Variants in WDR74 observed in about 807,000 individuals in gnomAD.
The protein encoded by WDR74 is WD repeat-containing protein 74.
In WDR74, 31 loss-of-function variants were observed where a neutral mutation model predicts 45.6. The observed-to-expected ratio is 0.68, with a 90% CI of 0.51 to 0.92. WDR74 has a LOEUF of 0.92. WDR74 is among the 40% of genes least tolerant of loss of function. The pLI is 0.00. For synonymous variants in WDR74, 191 were observed against 192.4 expected (o/e 0.99, Z 0.06); for missense variants, 455 against 497.2 (o/e 0.92, Z 0.81).
At chr11:62,833,444 T>C (rs1301382656) in intron 10 of WDR74, 174 bp downstream of exon 10, 2 of 801,718 alleles carry the variant, frequency 2.5e-6, no homozygotes, top group African/African-American at 3.5e-5. Context: ...ATCCATGCTG[T>C]TGGCAATAAC....
rs573305171 is a variant in WDR74 at position 62,838,327 on chromosome 11, AT to A, written c.293+786del. Among the ~76,000 whole-genome samples, 173 of 151,728 alleles carry A rather than the reference AT, an allele frequency of 1.1e-3. 1 individual carries two copies. Among genetic ancestry groups the A allele is most frequent in the African/African-American group, 3.9e-3 (161 of 41,446 alleles). On this transcript the variant is annotated intron_variant, in intron 3 of 10. Transcript: ENST00000278856. ...GCCACCACACCCGGATAATTTTTGTATTTTTTTAGTAGAGAAGGGGTTTTAC... is the reference window on the plus strand; with the variant it reads ...GCCACCACACCCGGATAATTTTTGTATTTTTTAGTAGAGAAGGGGTTTTAC...
At chr11:62,838,535 G>C (rs975538365) in intron 3 of WDR74, among the ~76,000 whole-genome samples, 2 of 151,600 alleles carry the variant, frequency 1.3e-5, no homozygotes, top group African/African-American at 4.8e-5. Context: ...GAGGCAGGTG[G>C]ATCACCTGAG....
rs765005824 is a variant in WDR74 at position 62,839,138 on chromosome 11, A to G, written c.269T>C (p.Phe90Ser). 6.2e-7 allele frequency: 1 copy of G among 1,613,616 alleles called. No homozygotes were observed. The highest frequency in any genetic ancestry group is 8.5e-7 in the Non-Finnish European group (1 of 1,179,890). Reference protein sequence around the residue: ...QRHCPGGEGMFRGLAQADGTL... With the variant: ...QRHCPGGEGMSRGLAQADGTL... ...CCCGTCGGCCTGGGCGAGGCCACGG[A>G]ACATGCCCTCCCCGCCCGGGCAGTG... Residue 90 changes from phenylalanine (F) to serine (S), a missense_variant, in exon 3 of 11, where the codon TTC becomes TCC. By Grantham distance (155) the Phe-to-Ser change is radical. Transcript: ENST00000278856.
upstream of WDR74, chr11:62,841,617 A>T (rs1048111331): frequency 6.6e-6 from 1 of 152,222 alleles, no homozygotes; most frequent in African/African-American, 2.4e-5. Context: ...CTCTCCCCGA[A>T]GGGAGAGTGC....
At chr11:62,841,439 A>C (rs950095017), upstream of WDR74, 1 of 152,222 alleles carries the variant, frequency 6.6e-6, no homozygotes, top group East Asian at 1.9e-4. Context: ...TGGAGATACT[A>C]CGCTCCGTGC....
At chr11:62,834,219 A>G (rs1441450375) in intron 8 of WDR74, 57 bp downstream of exon 8, 1 of 1,611,830 alleles carries the variant, frequency 6.2e-7, no homozygotes, top group Non-Finnish European at 8.5e-7. Flanking sequence ...CCTTAGAGGG[A>G]ATCCTGACCC....
intron 1 of WDR74, 37 bp downstream of exon 1, chr11:62,839,468 GCA>G: frequency 6.2e-7 from 1 of 1,613,474 alleles, no homozygotes; most frequent in Non-Finnish European, 8.5e-7. Context: ...GGGCGCGAGT[GCA>G]CCCCTGCACT....
At chr11:62,833,334 C>G (rs566342936) in intron 10 of WDR74, among the ~76,000 whole-genome samples, 13 of 143,820 alleles carry the variant, frequency 9.0e-5, no homozygotes, top group African/African-American at 3.4e-4. Flanking sequence ...GAAAAGTAGT[C>G]AGGGGCACAG....
chr11:62,839,696 T>C (rs552699736), upstream of WDR74: 36 of 1,175,506 alleles, frequency 3.1e-5, no homozygotes, highest in East Asian at 4.3e-4. Context: ...AAAGCTTCCA[T>C]GCTTGTTTTG....
At position 62,833,613 on chromosome 11, in the gene WDR74, C is replaced by T. The variant is rs1478206678; in HGVS notation, c.978+5G>A. The stretch of plus-strand genomic sequence containing the variant: ...GCTCCCACATTCCCGGGCCCAACTG[C>T]TCACCTCCCAGTTGTCCCTGCCTGA... On this transcript the variant is annotated splice_donor_5th_base_variant and intron_variant, in intron 10 of 10. Coordinates refer to ENST00000278856, the MANE Select transcript of WDR74 (RefSeq NM_001369450.1). The T allele has an allele frequency of 1.3e-6, 2 of 1,551,818 alleles. No individual in the cohort carries two copies. Among genetic ancestry groups the T allele is most frequent in the African/African-American group, 1.4e-5 (1 of 73,056 alleles).
chr11:62,832,955 G>C lies in WDR74; in HGVS notation c.1155C>G (p.Pro385=). Residue 385 remains proline, a synonymous_variant, in exon 11 of 11, where the codon CCC becomes CCG. Transcript: ENST00000278856. ...TTACAAAGTGGGCACAGGGGCGTCA[G>C]GGGCTGGTGGACCCAGGCCGCTTCT... The part of the protein sequence containing the change: ...RKKKRPGSTS[P] 2 of 1,601,156 alleles carry C rather than the reference G, an allele frequency of 1.2e-6. No homozygotes were observed. Among genetic ancestry groups the C allele is most frequent in the Non-Finnish European group, 1.7e-6 (2 of 1,174,384 alleles).
chr11:62,835,352 G>T, intron 6 of WDR74, 79 bp downstream of exon 6: 1 of 1,323,292 alleles, frequency 7.6e-7, no homozygotes, highest in South Asian at 1.3e-5. Flanking sequence ...GAGAAGAGCA[G>T]TTGTGTCAAA....
chr11:62,839,036 T>C, intron 3 of WDR74, 78 bp downstream of exon 3: 1 of 1,581,084 alleles, frequency 6.3e-7, no homozygotes, highest in Non-Finnish European at 8.6e-7. Context: ...AGTTTGCCTG[T>C]CGCCATCATT....
At chr11:62,838,983 G>C in intron 3 of WDR74, 131 bp downstream of exon 3, 1 of 1,337,578 alleles carries the variant, frequency 7.5e-7, no homozygotes, top group Non-Finnish European at 1.0e-6. Context: ...ACATAAGGCA[G>C]AAACCCAGGT....
upstream of WDR74, chr11:62,841,634 C>G (rs556170544): frequency 6.6e-6 from 1 of 152,228 alleles, no homozygotes; most frequent in African/African-American, 2.4e-5. Flanking sequence ...GTGCACCGTT[C>G]CTGGAAGTAC....
In WDR74 at chr11:62,832,978, T is replaced by G. The variant is rs767465533; in HGVS notation, c.1132A>C (p.Lys378Gln). The G allele has an allele frequency of 6.2e-6, 10 of 1,607,254 alleles. No individual in the cohort carries two copies. Among genetic ancestry groups the G allele is most frequent in the Non-Finnish European group, 8.5e-6 (10 of 1,177,262 alleles). ...GALQTRRRKK[K>Q]RPGSTSP ...CAGGGGCTGGTGGACCCAGGCCGCT[T>G]CTTCTTTCTCCGTCTCGTTTGGAGA... Residue 378 changes from lysine (K) to glutamine (Q), a missense_variant, in exon 11 of 11, where the codon AAG becomes CAG. Transcript: ENST00000278856.
chr11:62,841,287 A>C (rs1458362219), upstream of WDR74, among the ~76,000 whole-genome samples: 6 of 152,144 alleles, frequency 3.9e-5, no homozygotes, highest in African/African-American at 1.4e-4. Flanking sequence ...ATTGCACTCT[A>C]GCCTGGGCGA....
At chr11:62,841,611 C>T (rs1052363857), upstream of WDR74, 21 of 152,290 alleles carry the variant, frequency 1.4e-4, no homozygotes, top group South Asian at 4.1e-4. Flanking sequence ...GTTGTTCTCT[C>T]CCCGAAGGGA....
chr11:62,837,460 G>A, intron 3 of WDR74, among the ~76,000 whole-genome samples: 1 of 149,256 alleles, frequency 6.7e-6, no homozygotes, highest in East Asian at 2.0e-4. Flanking sequence ...CTGTGCCACT[G>A]CACTCCAGCC....
Sources: gnomAD v4.1 joint callset for allele counts (sites outside exome capture counted in the v4.1 genomes callset) on GRCh38, gnomAD v4.1.1 for gene constraint, MANE v1.5 for transcripts, NCBI Gene and HGNC (gene_info 2026-07-23, HGNC 2026-07-21) for gene names.